Variants in SPAG16 observed in about 807,000 individuals in gnomAD.
SPAG16 encodes sperm-associated antigen 16 protein.
SPAG16 carries 86 observed loss-of-function variants against 80.4 expected under a neutral mutation model. The ratio of observed to expected loss-of-function variants is 1.07; its 90% confidence interval spans 0.90 to 1.28. The LOEUF is 1.28. SPAG16 is among the 50% of genes most tolerant of loss of function. The probability of loss-of-function intolerance (pLI) is 0.00; values close to 1 mark genes in which losing one functional copy is unlikely to be tolerated. For missense variants in SPAG16, 870 were observed against 765.3 expected (o/e 1.14, Z -1.61); for synonymous variants, 294 against 265.9 (o/e 1.11, Z -1.03).
At chr2:214,066,810 A>G (rs1271750046) in intron 13 of SPAG16, among the ~76,000 whole-genome samples, 2 of 152,334 alleles carry the variant, frequency 1.3e-5, no homozygotes, top group Admixed American at 1.3e-4. Context: ...TGGATGTTTT[A>G]CTGGAAAAGG....
At chr2:214,211,175 A>G (rs1051598546) in intron 15 of SPAG16, among the ~76,000 whole-genome samples, 1 of 152,172 alleles carries the variant, frequency 6.6e-6, no homozygotes, top group African/African-American at 2.4e-5. Flanking sequence ...GCAAAAAAAA[A>G]TTCCCTACAT....
chr2:213,871,838 T>TCACACACACACACACA (rs1045988177), intron 11 of SPAG16, among the ~76,000 whole-genome samples: 2 of 101,876 alleles, frequency 2.0e-5, no homozygotes, highest in Admixed American at 1.1e-4. Context: ...CTCAGGAAAT[T>TCACACACACACACACA]CACACACACA....
intron 9 of SPAG16, among the ~76,000 whole-genome samples, chr2:213,484,723 C>T (rs117089916): frequency 6.6e-6 from 1 of 152,052 alleles, no homozygotes; most frequent in Non-Finnish European, 1.5e-5. Flanking sequence ...TAGTATTGAT[C>T]AGTGTAAGCA....
intron 15 of SPAG16, among the ~76,000 whole-genome samples, chr2:214,185,369 G>A (rs1178570741): frequency 1.3e-5 from 2 of 151,956 alleles, no homozygotes; most frequent in East Asian, 1.9e-4. Context: ...TAGTTACTGG[G>A]TAGAAGCAGT....
At chr2:213,676,980 C>T (rs1210916052) in intron 10 of SPAG16, among the ~76,000 whole-genome samples, 1 of 151,654 alleles carries the variant, frequency 6.6e-6, no homozygotes, top group Non-Finnish European at 1.5e-5. Flanking sequence ...CCTTGTACCT[C>T]TGGTAGAATT....
At position 214,139,740 on chromosome 2, in the gene SPAG16, C is replaced by T. The variant is rs180704609; in HGVS notation, c.1594-9400C>T. Among the ~76,000 whole-genome samples, 36 of 152,252 alleles carry T rather than the reference C, an allele frequency of 2.4e-4. No individual in the cohort carries two copies. The East Asian group carries it at 3.5e-3, about 15-fold the overall frequency. Reference sequence around the variant, plus strand: ...TGGCCTGGGTAAAGTCAAGCCTACACGCCTTAACATCTTGTTAAATAGGGC... The same window carrying T: ...TGGCCTGGGTAAAGTCAAGCCTACATGCCTTAACATCTTGTTAAATAGGGC... On this transcript the variant is annotated intron_variant, in intron 14 of 15. Transcript: ENST00000331683.
chr2:213,514,556 C>T (rs914382156), intron 10 of SPAG16, among the ~76,000 whole-genome samples: 1 of 151,516 alleles, frequency 6.6e-6, no homozygotes, highest in African/African-American at 2.4e-5. Context: ...CATGCTGGTG[C>T]GCTGCACCCA....
At chr2:213,597,570 T>G (rs1298893000) in intron 10 of SPAG16, among the ~76,000 whole-genome samples, 1 of 152,186 alleles carries the variant, frequency 6.6e-6, no homozygotes, top group Admixed American at 6.6e-5. Flanking sequence ...AACTTCATCT[T>G]GCTATATTAT....
At chr2:213,372,762 T>C (rs1433794914) in intron 8 of SPAG16, among the ~76,000 whole-genome samples, 2 of 152,134 alleles carry the variant, frequency 1.3e-5, no homozygotes, top group Non-Finnish European at 2.9e-5. Context: ...GTTAAAAAAT[T>C]CTCTTTTCAG....
chr2:214,161,214 T>C (rs569123170), intron 15 of SPAG16, among the ~76,000 whole-genome samples: 22 of 152,296 alleles, frequency 1.4e-4, no homozygotes, highest in African/African-American at 5.1e-4. Flanking sequence ...GATGGGCAAT[T>C]AGATTGATTT....
chr2:213,502,451 C>T (rs1319489771), intron 10 of SPAG16, among the ~76,000 whole-genome samples: 2 of 152,082 alleles, frequency 1.3e-5, no homozygotes, highest in East Asian at 1.9e-4. Flanking sequence ...CAAGGAACCA[C>T]ATTTATAAAT....
Position 213,862,498 on chromosome 2 carries a change from C to T in SPAG16, c.1084C>T (p.Pro362Ser), listed in dbSNP as rs1184619484. Residue 362 changes from proline (P) to serine (S), a missense_variant, in exon 11 of 16, where the codon CCC (proline) becomes TCC (serine). By Grantham distance (74) the Pro-to-Ser change is moderately conservative. Coordinates refer to ENST00000331683, the MANE Select transcript of SPAG16 (RefSeq NM_024532.5). ...ELPVSCVSMQ[P>S]HKDILVSCGE... The stretch of plus-strand genomic sequence containing the variant: ...CTCCTCGCGCAGTGTCTCCATGCAA[C>T]CCCACAAAGACATCCTAGTCTCCTG... 2 of 1,613,944 alleles carry T rather than the reference C, an allele frequency of 1.2e-6. No individual in the cohort carries two copies. The highest frequency in any genetic ancestry group is 1.7e-5 in the Admixed American group (1 of 60,018).
At chr2:214,201,520 T>G (rs2058008968) in intron 15 of SPAG16, among the ~76,000 whole-genome samples, 1 of 152,174 alleles carries the variant, frequency 6.6e-6, no homozygotes, top group Non-Finnish European at 1.5e-5. Context: ...AAAGAATAAG[T>G]AGCCATATAA....
At chr2:214,397,976 G>C (rs1701493549) in intron 15 of SPAG16, among the ~76,000 whole-genome samples, 1 of 152,104 alleles carries the variant, frequency 6.6e-6, no homozygotes, top group Non-Finnish European at 1.5e-5. Context: ...TGGTGAATTA[G>C]TAAATCACAC....
At chr2:213,970,854 A>G (rs1044467689) in intron 12 of SPAG16, among the ~76,000 whole-genome samples, 1 of 152,248 alleles carries the variant, frequency 6.6e-6, no homozygotes, top group Admixed American at 6.5e-5. Context: ...TTTAGTTTAC[A>G]TAATTATACC....
intron 9 of SPAG16, among the ~76,000 whole-genome samples, chr2:213,455,516 C>T (rs1448391280): frequency 6.6e-6 from 1 of 152,168 alleles, no homozygotes. Flanking sequence ...ATGATGTCAG[C>T]CTATGCTCCA....
intron 10 of SPAG16, among the ~76,000 whole-genome samples, chr2:213,851,524 G>A (rs574860602): frequency 3.6e-4 from 55 of 152,188 alleles, no homozygotes; most frequent in African/African-American, 1.3e-3. Flanking sequence ...AAAGTAAACT[G>A]ATAATTTGGA....
intron 15 of SPAG16, among the ~76,000 whole-genome samples, chr2:214,247,212 T>A (rs1240959324): frequency 6.6e-6 from 1 of 152,118 alleles, no homozygotes; most frequent in Non-Finnish European, 1.5e-5. Context: ...GAAGAATCAT[T>A]TGTTAAGTGC....
chr2:213,836,045 C>T (rs1010954383), intron 10 of SPAG16, among the ~76,000 whole-genome samples: 29 of 152,000 alleles, frequency 1.9e-4, no homozygotes, highest in Admixed American at 1.8e-3. Context: ...ATTGAGTTAC[C>T]CAGTGATAAC....
Sources: allele counts gnomAD v4.1 joint callset (sites outside exome capture counted in the v4.1 genomes callset), GRCh38; gene constraint gnomAD v4.1.1; transcripts MANE v1.5; gene names NCBI Gene and HGNC (gene_info 2026-07-23, HGNC 2026-07-21).